RAB14: variants seen among roughly 807,000 people sequenced by gnomAD.
RAB14 encodes the protein RAB14, member RAS oncogene family, also known as ras-related protein Rab-14.
Under a neutral mutation model 31.1 loss-of-function variants are expected in RAB14, and 3 were observed. The ratio of observed to expected loss-of-function variants is 0.10; its 90% confidence interval spans 0.04 to 0.25. The LOEUF is 0.25. Among genes scored for constraint, RAB14 ranks in the 10% least tolerant of loss-of-function variants. The pLI is 1.00. For synonymous variants in RAB14, 85 were observed against 84.9 expected (o/e 1.00, Z 0.00); for missense variants, 111 against 260.1 (o/e 0.43, Z 3.94).
At chr9:121,186,155 C>CGTAT (rs2053658030) in intron 5 of RAB14, among the ~76,000 whole-genome samples, 1 of 152,078 alleles carries the variant, frequency 6.6e-6, no homozygotes, top group South Asian at 2.1e-4. Context: ...TCCTGGCATA[C>CGTAT]CCTCAACAAT....
Position 121,193,390 on chromosome 9 carries a change from T to C in RAB14, c.23A>G (p.Tyr8Cys). Residue 8 changes from tyrosine (Y) to cysteine (C), a missense_variant, in exon 2 of 8, where the codon TAC becomes TGC. Physicochemically the swap from Tyr to Cys is radical, Grantham distance 194. Coordinates refer to ENST00000373840, the MANE Select transcript of RAB14 (RefSeq NM_016322.4). ...AATAATATATTTAAAGATGTAAGAG[T>C]AGTTGTATGGTGCAGTTGCCATGGT... is the stretch of plus-strand genomic sequence containing the variant. MATAPYN[Y>C]SYIFKYIIIG... 1 of 1,586,828 alleles carries C rather than the reference T, an allele frequency of 6.3e-7. No homozygotes were observed. The highest frequency in any genetic ancestry group is 8.6e-7 in the Non-Finnish European group (1 of 1,169,254).
chr9:121,187,613 C>T (rs576772819), intron 4 of RAB14, among the ~76,000 whole-genome samples: 3 of 152,078 alleles, frequency 2.0e-5, no homozygotes, highest in Non-Finnish European at 2.9e-5. Flanking sequence ...TGAAAAAGTT[C>T]GTCCTAACTT....
chr9:121,179,003 A>G lies in RAB14; in HGVS notation c.*2393T>C, dbSNP rs961734523. The G allele has an allele frequency of 3.9e-5, 6 of 152,238 alleles. No individual in the cohort carries two copies. The highest frequency in any genetic ancestry group is 8.8e-5 in the Non-Finnish European group (6 of 68,046). The allele number at this position is 152,238 out of a possible 1,614,324, so 9.4% of individuals were successfully genotyped here. On this transcript the variant is annotated 3_prime_UTR_variant, in exon 8 of 8. Coordinates refer to ENST00000373840, the MANE Select transcript of RAB14 (RefSeq NM_016322.4). ...CTGAGTGTATTACAGGGGATTACAC[A>G]TGCATATGATAGAATCTGGCTCCCG... is the stretch of plus-strand genomic sequence containing the variant.
At position 121,183,306 on chromosome 9, in the gene RAB14, C is replaced by A; in HGVS notation, c.439+5G>T. Reference sequence around the variant, plus strand: ...TTGTGACCATTAAGTCTTAAAGAAACTCACCATTTTCTTCAGCAAACTGTT... The same window carrying A: ...TTGTGACCATTAAGTCTTAAAGAAAATCACCATTTTCTTCAGCAAACTGTT... On this transcript the variant is annotated splice_donor_5th_base_variant and intron_variant, in intron 6 of 7. Transcript: ENST00000373840. The A allele has an allele frequency of 6.3e-7, 1 of 1,596,216 alleles. No individual in the cohort carries two copies. The highest frequency in any genetic ancestry group is 8.6e-7 in the Non-Finnish European group (1 of 1,165,286).
In RAB14 at chr9:121,198,020, AACACAC is replaced by A. The variant is rs58467154; in HGVS notation, c.-8+3613_-8+3618del. Among the ~76,000 whole-genome samples the A allele has an allele frequency of 1.3e-4, 19 of 149,962 alleles. No homozygotes were observed. In the Middle Eastern group the frequency reaches 0.01, roughly 81 times the overall value. ...TATGCAACAGCATACCCCACTTTCA[AACACAC>A]ACACACACACACACACACTCAACCC... On this transcript the variant is annotated intron_variant, in intron 1 of 7. Coordinates refer to ENST00000373840, the MANE Select transcript of RAB14 (RefSeq NM_016322.4).
In RAB14 at chr9:121,180,659, TC is replaced by T. The variant is rs1187581643; in HGVS notation, c.*736del. The T allele has an allele frequency of 1.3e-5, 2 of 152,612 alleles. No homozygotes were observed. The highest frequency in any genetic ancestry group is 4.8e-5 in the African/African-American group (2 of 41,452). The allele number at this position is 152,612 out of a possible 1,614,324, so 9.5% of individuals were successfully genotyped here. ...TGTACAAACTGGTATTTTATACTGTTCCAATGCCAGTAATCAATTTATTTTC... is the reference window on the plus strand; with the variant it reads ...TGTACAAACTGGTATTTTATACTGTTCAATGCCAGTAATCAATTTATTTTC... On this transcript the variant is annotated 3_prime_UTR_variant, in exon 8 of 8. Transcript: ENST00000373840.
At chr9:121,183,011 G>T in intron 6 of RAB14, 51 bp from the exon 7 acceptor site, 1 of 1,527,288 alleles carries the variant, frequency 6.5e-7, no homozygotes, top group Non-Finnish European at 9.0e-7. Flanking sequence ...TAACTCACAA[G>T]TGCACTTCTT....
intron 1 of RAB14, among the ~76,000 whole-genome samples, 175 bp downstream of exon 1, chr9:121,201,464 G>A (rs1479561884): frequency 1.3e-5 from 2 of 152,176 alleles, no homozygotes; most frequent in Non-Finnish European, 2.9e-5. Context: ...AGTCCTGTCA[G>A]GCCGGCGCCG....
intron 1 of RAB14, among the ~76,000 whole-genome samples, chr9:121,200,873 T>G (rs2132034255): frequency 6.6e-6 from 1 of 152,302 alleles, no homozygotes; most frequent in Middle Eastern, 3.4e-3. Context: ...CATAAATATG[T>G]ACCTGGCCCA....
intron 1 of RAB14, among the ~76,000 whole-genome samples, chr9:121,195,223 ACTT>A (rs2053708945): frequency 6.6e-6 from 1 of 152,108 alleles, no homozygotes; most frequent in African/African-American, 2.4e-5. Flanking sequence ...AAGATTATTA[ACTT>A]CTTAACTTGA....
In RAB14 at chr9:121,186,977, T is replaced by C; in HGVS notation, c.327A>G (p.Ala109=). The C allele has an allele frequency of 6.4e-7, 1 of 1,568,220 alleles. No individual in the cohort carries two copies. Among genetic ancestry groups the C allele is most frequent in the African/African-American group, 1.4e-5 (1 of 72,758 alleles). Residue 109 remains alanine (A), a synonymous_variant, in exon 5 of 8, where the codon GCA becomes GCG. Coordinates refer to ENST00000373840, the MANE Select transcript of RAB14 (RefSeq NM_016322.4). ...CAGTATTTGGATTGGTGAGATTCCTTGCATCTGTCAACCAGCTGCTTAAGT... is the reference window on the plus strand; with the variant it reads ...CAGTATTTGGATTGGTGAGATTCCTCGCATCTGTCAACCAGCTGCTTAAGT... ...YNHLSSWLTD[A]RNLTNPNTVI...
intron 1 of RAB14, among the ~76,000 whole-genome samples, chr9:121,198,863 AGTT>A (rs2053733378): frequency 2.0e-5 from 3 of 152,152 alleles, no homozygotes; most frequent in Admixed American, 2.0e-4. Flanking sequence ...AAACTTCTGT[AGTT>A]AATCTAATAA....
intron 4 of RAB14, among the ~76,000 whole-genome samples, chr9:121,190,323 T>C (rs1296602624): frequency 6.6e-6 from 1 of 152,104 alleles, no homozygotes; most frequent in Admixed American, 6.6e-5. Context: ...ATTCTTCTAT[T>C]AGCTTCACCC....
intron 1 of RAB14, among the ~76,000 whole-genome samples, chr9:121,201,293 G>A (rs1335494246): frequency 1.3e-5 from 2 of 152,140 alleles, no homozygotes; most frequent in East Asian, 1.9e-4. Context: ...GGCGAGAGGG[G>A]GGCCCGCGGG....
chr9:121,194,139 A>G lies in RAB14; in HGVS notation c.-7-720T>C, dbSNP rs548222208. 1.3e-4 allele frequency among the ~76,000 whole-genome samples: 17 copies of G among 132,350 alleles called. No homozygotes were observed. The East Asian group carries it at 3.4e-3, about 26-fold the overall frequency. The allele number at this position is 132,350 out of a possible 152,430, so 86.8% of individuals were successfully genotyped here. A position where few individuals can be genotyped will look rare whatever the true frequency, so the allele number is the denominator to read the frequency against. ...ACACACACACACACACATTTTTTGAAGACCAGGCTGGTCTTGGGTCTTGAA... is the reference window on the plus strand; with the variant it reads ...ACACACACACACACACATTTTTTGAGGACCAGGCTGGTCTTGGGTCTTGAA... On this transcript the variant is annotated intron_variant, in intron 1 of 7. Coordinates refer to ENST00000373840, the MANE Select transcript of RAB14 (RefSeq NM_016322.4).
chr9:121,193,479 G>C, intron 1 of RAB14, 60 bp from the exon 2 acceptor site: 1 of 1,054,974 alleles, frequency 9.5e-7, no homozygotes, highest in Non-Finnish European at 1.4e-6. Context: ...AATTCAAACG[G>C]ATGACTGATA....
At chr9:121,184,803 A>G (rs1442305207) in intron 5 of RAB14, among the ~76,000 whole-genome samples, 1 of 152,270 alleles carries the variant, frequency 6.6e-6, no homozygotes, top group Admixed American at 6.5e-5. Context: ...TTTTAAAAGA[A>G]TAAAATAATG....
At chr9:121,195,596 C>T (rs376121017) in intron 1 of RAB14, among the ~76,000 whole-genome samples, 5 of 152,170 alleles carry the variant, frequency 3.3e-5, no homozygotes. Flanking sequence ...AAATTACAAA[C>T]ATTCATATAG....
intron 7 of RAB14, 121 bp downstream of exon 7, chr9:121,182,809 G>T: frequency 3.4e-6 from 2 of 584,728 alleles, no homozygotes; most frequent in South Asian, 5.1e-5. Context: ...CCTGCAGTAA[G>T]CATTACACAT....
Sources: gnomAD v4.1 joint callset for allele counts (sites outside exome capture counted in the v4.1 genomes callset) on GRCh38, gnomAD v4.1.1 for gene constraint, MANE v1.5 for transcripts, NCBI Gene and HGNC (gene_info 2026-07-23, HGNC 2026-07-21) for gene names.